CEACAM20: variants seen among roughly 807,000 people sequenced by gnomAD.
CEACAM20 encodes the protein cell adhesion molecule CEACAM20.
In CEACAM20, 50 loss-of-function variants were observed where a neutral mutation model predicts 61.2. That is an observed-to-expected ratio of 0.82 (90% CI 0.65 to 1.03). The LOEUF (loss-of-function observed/expected upper bound fraction) is 1.03. CEACAM20 is among the 50% of genes least tolerant of loss of function. The pLI is 0.00. For synonymous variants in CEACAM20, 282 were observed against 287.7 expected (o/e 0.98, Z 0.20); for missense variants, 683 against 736.4 (o/e 0.93, Z 0.84).
intron 4 of CEACAM20, among the ~76,000 whole-genome samples, chr19:44,522,054 C>T (rs746982107): frequency 2.0e-5 from 3 of 152,082 alleles, no homozygotes; most frequent in Non-Finnish European, 4.4e-5. Flanking sequence ...CATTGGAAAT[C>T]CCCCTGGGTC....
At chr19:44,508,784 T>TA (rs1970889865) in intron 11 of CEACAM20, among the ~76,000 whole-genome samples, 1 of 152,226 alleles carries the variant, frequency 6.6e-6, no homozygotes, top group Non-Finnish European at 1.5e-5. Context: ...TAGTGGCAGA[T>TA]ATCACGTAGG....
intron 10 of CEACAM20, 109 bp from the exon 11 acceptor site, chr19:44,511,264 C>G: frequency 6.9e-7 from 1 of 1,450,090 alleles, no homozygotes; most frequent in Non-Finnish European, 9.3e-7. Flanking sequence ...TGTTCAGGTT[C>G]TTGCAGAGAA....
At chr19:44,508,067 G>A (rs979451928) in intron 11 of CEACAM20, among the ~76,000 whole-genome samples, 1 of 152,134 alleles carries the variant, frequency 6.6e-6, no homozygotes, top group African/African-American at 2.4e-5. Context: ...CTAAAATATT[G>A]GAGTTCTCTG....
chr19:44,507,558 T>A (rs1017227769), intron 11 of CEACAM20, among the ~76,000 whole-genome samples: 1 of 152,200 alleles, frequency 6.6e-6, no homozygotes, highest in Non-Finnish European at 1.5e-5. Flanking sequence ...AATGAGAAAC[T>A]GTATAATAAG....
intron 9 of CEACAM20, 56 bp downstream of exon 9, chr19:44,511,961 G>C: frequency 2.7e-6 from 4 of 1,501,246 alleles, no homozygotes; most frequent in Non-Finnish European, 3.7e-6. Context: ...TAAGAAGTAA[G>C]ACTATAGCAG....
Position 44,520,628 on chromosome 19 carries a change from C to G in CEACAM20, c.876G>C (p.Gln292His), listed in dbSNP as rs200315176. ...SVNVQWFLSG[Q>H]PLLPSEHLQL... ...GCAGGTGCTCACTGGGCAGGAGGGG[C>G]TGGCCACTTAGGAACCACTGGACAT... The change falls in exon 5 of 12, where the codon CAG becomes CAC. Residue 292 changes from glutamine (Q) to histidine (H), a missense_variant. Transcript: ENST00000614924. 3 of 1,614,018 alleles carry G rather than the reference C, an allele frequency of 1.9e-6. No homozygotes were observed. Among genetic ancestry groups the G allele is most frequent in the Non-Finnish European group, 1.7e-6 (2 of 1,179,904 alleles).
intron 11 of CEACAM20, among the ~76,000 whole-genome samples, chr19:44,508,915 G>A (rs928585027): frequency 6.6e-6 from 1 of 152,148 alleles, no homozygotes; most frequent in Non-Finnish European, 1.5e-5. Flanking sequence ...TATATAAACT[G>A]CTTCAAATCT....
intron 11 of CEACAM20, among the ~76,000 whole-genome samples, chr19:44,506,612 G>C (rs1970826339): frequency 6.6e-6 from 1 of 152,214 alleles, no homozygotes; most frequent in Non-Finnish European, 1.5e-5. Context: ...GAAGCAAGAT[G>C]CAATGTTGTG....
chr19:44,524,286 G>A, intron 2 of CEACAM20, 25 bp from the exon 3 acceptor site: 1 of 1,600,000 alleles, frequency 6.3e-7, no homozygotes, highest in Non-Finnish European at 8.5e-7. Flanking sequence ...GGGAGACAGA[G>A]GCAGAGACAC....
intron 10 of CEACAM20, 119 bp downstream of exon 10, chr19:44,511,518 C>A: frequency 2.9e-6 from 3 of 1,023,522 alleles, no homozygotes; most frequent in South Asian, 1.4e-5. Context: ...CCATCCCTGG[C>A]CCTGTGATGT....
At chr19:44,511,256 T>C in intron 10 of CEACAM20, 101 bp from the exon 11 acceptor site, 1 of 1,482,160 alleles carries the variant, frequency 6.7e-7, no homozygotes, top group Non-Finnish European at 9.1e-7. Context: ...AAGGAATCTG[T>C]TCAGGTTCTT....
At chr19:44,510,600 GAAAGAAAGAAA>G (rs1568162454) in intron 11 of CEACAM20, among the ~76,000 whole-genome samples, 1,407 of 74,304 alleles carry the variant, frequency 0.019, 79 homozygotes, top group African/African-American at 0.09. Flanking sequence ...AAGAAAGAAA[GAAAGAAAGAAA>G]AAGGAAGGAA....
In CEACAM20 at chr19:44,524,015, C is replaced by T. The variant is rs1167429685; in HGVS notation, c.443G>A (p.Arg148Lys). ...CEARDALLSQ[R>K]SDPIFLDVKY... ...CACATCCAGGAAGATGGGGTCGCTC[C>T]TCTGGCTCAGAAGGGCATCTCGAGC... The change falls in exon 3 of 12, where the codon AGG (arginine) becomes AAG (lysine). Residue 148 changes from arginine to lysine, a missense_variant. Arg to Lys is a conservative substitution (Grantham distance 26). Transcript: ENST00000614924. 4.5e-6 allele frequency: 7 copies of T among 1,553,610 alleles called. No homozygotes were observed. The highest frequency in any genetic ancestry group is 1.7e-6 in the Non-Finnish European group (2 of 1,147,756).
At chr19:44,514,745 C>T (rs183951091) in intron 6 of CEACAM20, among the ~76,000 whole-genome samples, 1 of 152,206 alleles carries the variant, frequency 6.6e-6, no homozygotes, top group Non-Finnish European at 1.5e-5. Flanking sequence ...AGGCATGAGC[C>T]ACCATGCCTG....
At chr19:44,514,740 T>C (rs568107127) in intron 6 of CEACAM20, among the ~76,000 whole-genome samples, 1 of 152,280 alleles carries the variant, frequency 6.6e-6, no homozygotes, top group Non-Finnish European at 1.5e-5. Flanking sequence ...ATTACAGGCA[T>C]GAGCCACCAT....
intron 4 of CEACAM20, among the ~76,000 whole-genome samples, chr19:44,521,969 G>A (rs1971379096): frequency 6.6e-6 from 1 of 152,062 alleles, no homozygotes; most frequent in African/African-American, 2.4e-5. Context: ...GAGCCACCAG[G>A]GTCTCGTGCA....
chr19:44,512,082 G>A lies in CEACAM20; in HGVS notation c.1514-4C>T, dbSNP rs749882055. ...CGATACTCAGGACTCAGGCTTTCTA[G>A]AAAAAGTGAATCTCAGTCAGGAGCT... On this transcript the variant is annotated splice_polypyrimidine_tract_variant and splice_region_variant and intron_variant, in intron 8 of 11. Transcript: ENST00000614924. 1.9e-6 allele frequency: 3 copies of A among 1,604,226 alleles called. No homozygotes were observed. The highest frequency in any genetic ancestry group is 2.6e-6 in the Non-Finnish European group (3 of 1,175,034).
chr19:44,511,201 G>A, intron 10 of CEACAM20, 46 bp from the exon 11 acceptor site: 2 of 1,606,676 alleles, frequency 1.2e-6, no homozygotes, highest in Non-Finnish European at 1.7e-6. Context: ...GACACAGATT[G>A]CCAGGAATGT....
intron 11 of CEACAM20, among the ~76,000 whole-genome samples, chr19:44,509,361 T>A (rs1970906423): frequency 6.9e-6 from 1 of 145,034 alleles, no homozygotes; most frequent in African/African-American, 2.6e-5. Flanking sequence ...GCAACGAAAT[T>A]AAAAAAAAAA....
Sources: gnomAD v4.1 joint callset for allele counts (sites outside exome capture counted in the v4.1 genomes callset) on GRCh38, gnomAD v4.1.1 for gene constraint, MANE v1.5 for transcripts, NCBI Gene and HGNC (gene_info 2026-07-23, HGNC 2026-07-21) for gene names.